Variants in SLC35A3 observed in about 807,000 individuals in gnomAD.
The protein encoded by SLC35A3 is UDP-N-acetylglucosamine transporter.
SLC35A3 carries 26 observed loss-of-function variants against 39.0 expected under a neutral mutation model. That is an observed-to-expected ratio of 0.67 (90% CI 0.49 to 0.92). The LOEUF (loss-of-function observed/expected upper bound fraction) is 0.92. Ranked by LOEUF, SLC35A3 falls within the 40% of genes least tolerant of loss-of-function variation. SLC35A3 has a pLI of 0.00. For synonymous variants in SLC35A3, 135 were observed against 133.1 expected, an observed-to-expected ratio of 1.01 and a Z score of -0.10; for missense variants, 299 against 371.6, an observed-to-expected ratio of 0.80 and a Z score of 1.61.
chr1:100,005,840 A>G (rs1659187393), intron 3 of SLC35A3, among the ~76,000 whole-genome samples: 1 of 151,494 alleles, frequency 6.6e-6, no homozygotes, highest in African/African-American at 2.4e-5. Flanking sequence ...GGCCTTTCAT[A>G]TTTTCTTTTC....
At position 100,022,532 on chromosome 1, in the gene SLC35A3, A is replaced by C; in HGVS notation, c.*56A>C. 4.5e-6 allele frequency: 4 copies of C among 881,620 alleles called. No individual in the cohort carries two copies. Among genetic ancestry groups the C allele is most frequent in the Non-Finnish European group, 7.4e-6 (4 of 538,840 alleles). The allele number at this position is 881,620 out of a possible 1,614,324, so 54.6% of individuals were successfully genotyped here. A position where few individuals can be genotyped will look rare whatever the true frequency, so the allele number is the denominator to read the frequency against. ...ATGGGGCACTAGGAATCTCGACATT[A>C]ATCTTGCACAGAGGACTTCTACAGA... On this transcript the variant is annotated 3_prime_UTR_variant, in exon 8 of 8. Coordinates refer to ENST00000533028, the MANE Select transcript of SLC35A3 (RefSeq NM_012243.3).
At chr1:99,991,921 G>A (rs912612311) in intron 1 of SLC35A3, among the ~76,000 whole-genome samples, 1 of 152,068 alleles carries the variant, frequency 6.6e-6, no homozygotes, top group Non-Finnish European at 1.5e-5. Flanking sequence ...GCTAATTTTT[G>A]TATTTTTAGT....
chr1:100,014,892 C>T (rs933750128), intron 5 of SLC35A3, among the ~76,000 whole-genome samples: 2 of 152,082 alleles, frequency 1.3e-5, no homozygotes, highest in Non-Finnish European at 2.9e-5. Context: ...GGGCACGTAA[C>T]TCACACCTGT....
Position 100,031,741 on chromosome 1 carries a change from AT to A in SLC35A3, c.*9271del, listed in dbSNP as rs1220479666. 6.6e-6 allele frequency: 1 copy of A among 152,146 alleles called. No homozygotes were observed. Among genetic ancestry groups the A allele is most frequent in the Non-Finnish European group, 1.5e-5 (1 of 68,030 alleles). 9.4% of individuals were successfully genotyped at this position (152,146 alleles called of 1,614,324 possible). ...TGTATTCCCAGTTGTCTCAAAAATG[AT>A]TTTTTATAGCTTTTTTGTTTTGGAA... On this transcript the variant is annotated 3_prime_UTR_variant, in exon 8 of 8. Transcript: ENST00000533028.
chr1:99,996,629 T>G (rs1487664900), intron 2 of SLC35A3, among the ~76,000 whole-genome samples: 1 of 152,156 alleles, frequency 6.6e-6, no homozygotes, highest in Non-Finnish European at 1.5e-5. Context: ...TCCCAGTTAC[T>G]TGGGAGGCTG....
At position 99,997,410 on chromosome 1, in the gene SLC35A3, TTATATATATATATATA is replaced by T. The variant is rs71970416; in HGVS notation, c.188-1819_188-1804del. ...ACAGTTATATGTTTTATATATAGTT[TTATATATATATATATA>T]TATATATATATATATATATATATAT... On this transcript the variant is annotated intron_variant, in intron 2 of 7. Transcript: ENST00000533028. Among the ~76,000 whole-genome samples, 187 of 92,094 alleles carry T rather than the reference TTATATATATATATATA, an allele frequency of 2.0e-3. 1 individual carries two copies. The highest frequency in any genetic ancestry group is 0.012 in the East Asian group (40 of 3,262). The allele number at this position is 92,094 out of a possible 152,430, so 60.4% of individuals were successfully genotyped here. A position where few individuals can be genotyped will look rare whatever the true frequency, so the allele number is the denominator to read the frequency against.
chr1:100,007,182 T>A (rs745715064), intron 4 of SLC35A3, 26 bp downstream of exon 4: 11 of 1,555,974 alleles, frequency 7.1e-6, no homozygotes, highest in Non-Finnish European at 7.0e-6. Context: ...AAGTATATAT[T>A]TTTATCTTTA....
At chr1:100,020,027 T>C (rs1192164964) in intron 7 of SLC35A3, among the ~76,000 whole-genome samples, 1 of 152,238 alleles carries the variant, frequency 6.6e-6, no homozygotes, top group African/African-American at 2.4e-5. Flanking sequence ...AGACACAATT[T>C]CTTGTCTTCA....
chr1:99,972,335 T>C (rs1290435872), intron 1 of SLC35A3, among the ~76,000 whole-genome samples: 2 of 145,926 alleles, frequency 1.4e-5, no homozygotes, highest in Non-Finnish European at 3.1e-5. Context: ...TTACTACTTT[T>C]TTTTTTTTTT....
chr1:99,972,885 G>A (rs892422184), intron 1 of SLC35A3, among the ~76,000 whole-genome samples: 2 of 152,102 alleles, frequency 1.3e-5, no homozygotes, highest in African/African-American at 2.4e-5. Context: ...TATTATCACC[G>A]CTATTTTATA....
rs187465175 is a variant in SLC35A3 at position 100,024,583 on chromosome 1, A to G, written c.*2107A>G. ...AAAAAAAGAAAACACACACACACACACACACACCCACAGTATGAATGAAAA... is the reference window on the plus strand; with the variant it reads ...AAAAAAAGAAAACACACACACACACGCACACACCCACAGTATGAATGAAAA... On this transcript the variant is annotated 3_prime_UTR_variant, in exon 8 of 8. Transcript: ENST00000533028. The G allele has an allele frequency of 0.011, 2,551 of 239,474 alleles. 25 individuals carry two copies. Among genetic ancestry groups the G allele is most frequent in the Middle Eastern group, 0.032 (22 of 694 alleles). The allele number at this position is 239,474 out of a possible 1,614,324, so 14.8% of individuals were successfully genotyped here. A position where few individuals can be genotyped will look rare whatever the true frequency, so the allele number is the denominator to read the frequency against.
At position 100,034,426 on chromosome 1, in the gene SLC35A3, A is replaced by C. The variant is rs1421803899; in HGVS notation, c.*11950A>C. The C allele has an allele frequency of 2.0e-5, 3 of 152,190 alleles. No individual in the cohort carries two copies. The East Asian group carries it at 5.8e-4, about 29-fold the overall frequency. The allele number at this position is 152,190 out of a possible 1,614,324, so 9.4% of individuals were successfully genotyped here. A position where few individuals can be genotyped will look rare whatever the true frequency, so the allele number is the denominator to read the frequency against. ...ATTTGCTGTGTTCTTTTATATGTGC[A>C]ATTAATGATATTCATGTTGGAGTGT... On this transcript the variant is annotated 3_prime_UTR_variant, in exon 8 of 8. Coordinates refer to ENST00000533028, the MANE Select transcript of SLC35A3 (RefSeq NM_012243.3).
chr1:100,006,553 C>T (rs1422114739), intron 3 of SLC35A3, among the ~76,000 whole-genome samples: 1 of 152,074 alleles, frequency 6.6e-6, no homozygotes, highest in Non-Finnish European at 1.5e-5. Flanking sequence ...ACAGGTTGTG[C>T]AGGGTCAGTC....
Position 100,025,052 on chromosome 1 carries a change from C to T in SLC35A3, c.*2576C>T, listed in dbSNP as rs938962670. 5.2e-6 allele frequency: 1 copy of T among 192,876 alleles called. No individual in the cohort carries two copies. Among genetic ancestry groups the T allele is most frequent in the African/African-American group, 2.3e-5 (1 of 42,904 alleles). 11.9% of individuals were successfully genotyped at this position (192,876 alleles called of 1,614,324 possible). A position where few individuals can be genotyped will look rare whatever the true frequency, so the allele number is the denominator to read the frequency against. Reference sequence around the variant, plus strand: ...TTTAAAATCACTTTGGTGGTGATTCCAAATTGGTACCAAGCAAACTTTCTG... The same window carrying T: ...TTTAAAATCACTTTGGTGGTGATTCTAAATTGGTACCAAGCAAACTTTCTG... On this transcript the variant is annotated 3_prime_UTR_variant, in exon 8 of 8. Transcript: ENST00000533028.
intron 7 of SLC35A3, 128 bp from the exon 8 acceptor site, chr1:100,022,258 A>ATCC: frequency 1.8e-6 from 1 of 563,288 alleles, no homozygotes. Context: ...AGTACTCAAG[A>ATCC]TTTGTTAGCC....
intron 1 of SLC35A3, among the ~76,000 whole-genome samples, chr1:99,981,303 T>TAG (rs1317664340): frequency 1.3e-5 from 2 of 152,150 alleles, no homozygotes; most frequent in African/African-American, 4.8e-5. Flanking sequence ...TAACCTCTAG[T>TAG]AGACTGATAT....
At chr1:100,014,216 T>TTTTA (rs547786721) in intron 5 of SLC35A3, among the ~76,000 whole-genome samples, 6 of 152,120 alleles carry the variant, frequency 3.9e-5, no homozygotes, top group East Asian at 1.9e-4. Flanking sequence ...AAAACAAAAC[T>TTTTA]TTTATTTATT....
chr1:99,978,450 C>T (rs1345079010), intron 1 of SLC35A3, among the ~76,000 whole-genome samples: 1 of 152,136 alleles, frequency 6.6e-6, no homozygotes, highest in Non-Finnish European at 1.5e-5. Context: ...TAGCTTGAGC[C>T]CAGGAGGTAG....
intron 1 of SLC35A3, among the ~76,000 whole-genome samples, chr1:99,984,446 G>A (rs1657631306): frequency 1.3e-5 from 2 of 152,122 alleles, no homozygotes; most frequent in African/African-American, 2.4e-5. Context: ...TGGCTGAGTA[G>A]TACTCCATTG....
Sources: gnomAD v4.1 joint callset for allele counts (sites outside exome capture counted in the v4.1 genomes callset) on GRCh38, gnomAD v4.1.1 for gene constraint, MANE v1.5 for transcripts, NCBI Gene and HGNC (gene_info 2026-07-23, HGNC 2026-07-21) for gene names.